ZNF280D: variants seen among roughly 807,000 people sequenced by gnomAD.
ZNF280D encodes the protein zinc finger protein 280D.
In ZNF280D, 39 loss-of-function variants were observed where a neutral mutation model predicts 94.7. The ratio of observed to expected loss-of-function variants is 0.41; its 90% CI spans 0.32 to 0.54. ZNF280D has a LOEUF of 0.54. Ranked by LOEUF, ZNF280D falls within the 20% of genes least tolerant of loss-of-function variation. The pLI, the probability that ZNF280D is intolerant of heterozygous loss-of-function variation, is 0.22. For synonymous variants in ZNF280D, 398 were observed against 377.6 expected, an observed-to-expected ratio of 1.05 and a Z score of -0.63; for missense variants, 1,090 against 1,149.3, an observed-to-expected ratio of 0.95 and a Z score of 0.75.
chr15:56,658,230 G>A (rs1566943822), intron 17 of ZNF280D, among the ~76,000 whole-genome samples, 194 bp downstream of exon 17: 1 of 152,098 alleles, frequency 6.6e-6, no homozygotes, highest in Non-Finnish European at 1.5e-5. Flanking sequence ...TGGGTACAGG[G>A]TTTCTTTCTG....
At chr15:56,680,576 A>C (rs1181815506) in intron 10 of ZNF280D, among the ~76,000 whole-genome samples, 1 of 150,584 alleles carries the variant, frequency 6.6e-6, no homozygotes, top group Admixed American at 6.6e-5. Flanking sequence ...TCCCAGACTC[A>C]AGCGATCCTC....
intron 7 of ZNF280D, among the ~76,000 whole-genome samples, chr15:56,689,861 T>G (rs1302146759): frequency 6.6e-6 from 1 of 152,120 alleles, no homozygotes; most frequent in Non-Finnish European, 1.5e-5. Flanking sequence ...CTAGAGTTTG[T>G]AAAAAAACAA....
chr15:56,638,684 A>C (rs2052469711), intron 20 of ZNF280D, among the ~76,000 whole-genome samples: 1 of 152,164 alleles, frequency 6.6e-6, no homozygotes, highest in Non-Finnish European at 1.5e-5. Flanking sequence ...TTCAGAAAAA[A>C]AATGTGATTT....
In ZNF280D at chr15:56,669,932, TATA is replaced by T. The variant is rs2054654806; in HGVS notation, c.1411-978_1411-976del. Among the ~76,000 whole-genome samples the T allele has an allele frequency of 2.0e-4, 2 of 10,000 alleles. 1 individual carries two copies. The highest frequency in any genetic ancestry group is 3.4e-4 in the Non-Finnish European group (2 of 5,868). 6.6% of individuals were successfully genotyped at this position (10,000 alleles called of 152,430 possible). On this transcript the variant is annotated intron_variant, in intron 13 of 21. Transcript: ENST00000267807. ...ATATATATTATATATATATTATATA[TATA>T]TTATATATATATATTATATATATAT...
At chr15:56,668,361 CAGT>C (rs1194157812) in intron 14 of ZNF280D, 4 of 320,340 alleles carry the variant, frequency 1.2e-5, no homozygotes, top group Non-Finnish European at 2.4e-5. Flanking sequence ...TGCTATCCAG[CAGT>C]AGAACTTGCT....
At chr15:56,719,887 A>T (rs1209285973) in intron 1 of ZNF280D, among the ~76,000 whole-genome samples, 1 of 59,928 alleles carries the variant, frequency 1.7e-5, no homozygotes, top group Non-Finnish European at 3.2e-5. Context: ...CTTTATTGCT[A>T]AAAAAAAAAA....
intron 4 of ZNF280D, among the ~76,000 whole-genome samples, chr15:56,702,134 A>C (rs1390775981): frequency 2.6e-5 from 4 of 152,074 alleles, no homozygotes; most frequent in Non-Finnish European, 5.9e-5. Flanking sequence ...AATGGTTCAC[A>C]CAGAAATATG....
intron 7 of ZNF280D, among the ~76,000 whole-genome samples, chr15:56,692,594 G>T (rs562115649): frequency 6.6e-6 from 1 of 152,170 alleles, no homozygotes; most frequent in Non-Finnish European, 1.5e-5. Flanking sequence ...TACATTTCAT[G>T]AGTACTTACT....
intron 19 of ZNF280D, among the ~76,000 whole-genome samples, chr15:56,651,638 G>A (rs2053212496): frequency 6.6e-6 from 1 of 152,086 alleles, no homozygotes; most frequent in Non-Finnish European, 1.5e-5. Context: ...CACCCCACAG[G>A]TCGCCCCTAC....
chr15:56,676,926 T>G (rs993851373), intron 12 of ZNF280D, 110 bp from the exon 13 acceptor site: 2 of 792,402 alleles, frequency 2.5e-6, no homozygotes, highest in Non-Finnish European at 4.0e-6. Context: ...ACTACTAATC[T>G]AGCTCTGATG....
Position 56,666,833 on chromosome 15 carries a change from T to C in ZNF280D, c.1699A>G (p.Thr567Ala), listed in dbSNP as rs138091347. ...PAKSNTSKPN[T>A]VKSNASKPNT... ...GGTTTACTTGCGTTGGATTTGACTG[T>C]ATTAGGTTTACTTGTATTAGATTTT... The change falls in exon 15 of 22, where the codon ACA becomes GCA. Residue 567 changes from threonine (T) to alanine (A), a missense_variant. Thr to Ala is a moderately conservative substitution (Grantham distance 58, BLOSUM62 0). Transcript: ENST00000267807. 5.6e-6 allele frequency: 9 copies of C among 1,613,764 alleles called. No individual in the cohort carries two copies. The East Asian group carries it at 8.9e-5, about 16-fold the overall frequency.
intron 1 of ZNF280D, 46 bp downstream of exon 1, chr15:56,733,412 T>A (rs1177556998): frequency 9.9e-7 from 1 of 1,006,716 alleles, no homozygotes; most frequent in Non-Finnish European, 1.2e-6. Context: ...CGGGAGGGCC[T>A]CTGCCTGCTG....
intron 7 of ZNF280D, among the ~76,000 whole-genome samples, chr15:56,690,603 C>G (rs1401428023): frequency 6.6e-6 from 1 of 152,052 alleles, no homozygotes; most frequent in Admixed American, 6.5e-5. Context: ...CCTAAAAATA[C>G]TTTCCCATTT....
chr15:56,694,047 T>A (rs12912666), intron 6 of ZNF280D, among the ~76,000 whole-genome samples: 6 of 151,750 alleles, frequency 4.0e-5, no homozygotes, highest in East Asian at 3.9e-4. Context: ...GTCCTGCTCC[T>A]GGAGGCCTCG....
At chr15:56,700,421 C>G (rs2056992501) in intron 6 of ZNF280D, 4 of 709,158 alleles carry the variant, frequency 5.6e-6, no homozygotes, top group Non-Finnish European at 7.0e-6. Context: ...AACACTTATA[C>G]ATATTAACAG....
chr15:56,684,497 G>GA (rs1214373625), intron 9 of ZNF280D, among the ~76,000 whole-genome samples: 26 of 150,710 alleles, frequency 1.7e-4, no homozygotes, highest in African/African-American at 6.1e-4. Context: ...TATTTAGAAG[G>GA]AAAAAAAAGA....
chr15:56,700,727 TTA>T, intron 6 of ZNF280D: 2 of 1,461,216 alleles, frequency 1.4e-6, no homozygotes, highest in Non-Finnish European at 1.8e-6. Context: ...CTGCCTGTTA[TTA>T]ACAGGTTGGG....
intron 1 of ZNF280D, among the ~76,000 whole-genome samples, chr15:56,728,820 CAT>C (rs1247042453): frequency 1.3e-5 from 2 of 152,124 alleles, no homozygotes; most frequent in Admixed American, 1.3e-4. Context: ...CAATAAATTA[CAT>C]GAGATACTCA....
intron 9 of ZNF280D, 162 bp downstream of exon 9, chr15:56,688,879 G>T (rs2056238605): frequency 2.3e-6 from 1 of 433,994 alleles, no homozygotes; most frequent in African/African-American, 2.1e-5. Context: ...GGATTTAGAA[G>T]GAATTTGAGA....
Sources: allele counts gnomAD v4.1 joint callset (sites outside exome capture counted in the v4.1 genomes callset), GRCh38; gene constraint gnomAD v4.1.1; transcripts MANE v1.5; gene names NCBI Gene and HGNC (gene_info 2026-07-23, HGNC 2026-07-21).